Variants in GRIK2 observed in about 807,000 individuals in gnomAD.
GRIK2 encodes the protein glutamate receptor ionotropic, kainate 2.
GRIK2 carries 32 observed loss-of-function variants against 100.3 expected under a neutral mutation model. The ratio of observed to expected loss-of-function variants is 0.32; its 90% confidence interval spans 0.24 to 0.43. The LOEUF (loss-of-function observed/expected upper bound fraction) is 0.43, where lower values mean the gene tolerates loss of function less well. GRIK2 is among the 20% of genes least tolerant of loss of function. The pLI is 1.00. For synonymous variants in GRIK2, 417 were observed against 389.4 expected, an observed-to-expected ratio of 1.07 and a Z score of -0.83; for missense variants, 843 against 1,114.9, an observed-to-expected ratio of 0.76 and a Z score of 3.47.
chr6:101,487,955 A>G (rs1373153724), intron 2 of GRIK2, among the ~76,000 whole-genome samples: 2 of 146,232 alleles, frequency 1.4e-5, no homozygotes, highest in Non-Finnish European at 3.0e-5. Context: ...AAAAATCTGT[A>G]TTTTTACCTT....
At chr6:102,061,801 C>A (rs1049466843) in intron 16 of GRIK2, among the ~76,000 whole-genome samples, 1 of 150,202 alleles carries the variant, frequency 6.7e-6, no homozygotes, top group African/African-American at 2.4e-5. Context: ...TAACAAGCAG[C>A]TCTTTTAAAA....
intron 10 of GRIK2, among the ~76,000 whole-genome samples, chr6:101,838,657 T>C (rs1387712885): frequency 1.3e-5 from 2 of 151,670 alleles, no homozygotes; most frequent in Non-Finnish European, 2.9e-5. Context: ...AATACAACTT[T>C]TTTTTTTTTT....
At chr6:101,622,202 A>C in intron 3 of GRIK2, 86 bp downstream of exon 3, 1 of 728,584 alleles carries the variant, frequency 1.4e-6, no homozygotes, top group Non-Finnish European at 2.3e-6. Flanking sequence ...TTCAACATAC[A>C]GTTAATAAGT....
intron 7 of GRIK2, among the ~76,000 whole-genome samples, chr6:101,774,994 TTATGA>T (rs1343764646): frequency 6.6e-6 from 1 of 152,162 alleles, no homozygotes; most frequent in East Asian, 1.9e-4. Context: ...ACATCATTCC[TTATGA>T]AGCTTTAAAA....
chr6:101,552,576 C>T (rs1474310149), intron 2 of GRIK2, among the ~76,000 whole-genome samples: 1 of 152,170 alleles, frequency 6.6e-6, no homozygotes, highest in Non-Finnish European at 1.5e-5. Flanking sequence ...AATATTTGGC[C>T]TTGCTCCTTC....
intron 2 of GRIK2, among the ~76,000 whole-genome samples, chr6:101,510,582 G>T (rs1582611622): frequency 7.2e-6 from 1 of 139,746 alleles, no homozygotes; most frequent in Non-Finnish European, 1.5e-5. Flanking sequence ...GAGTGCAGTG[G>T]CATGATCTCG....
At chr6:102,006,716 C>T (rs1355123866) in intron 14 of GRIK2, among the ~76,000 whole-genome samples, 1 of 150,674 alleles carries the variant, frequency 6.6e-6, no homozygotes, top group Non-Finnish European at 1.5e-5. Context: ...CCCCTTGACC[C>T]CTACAAGCCC....
chr6:101,984,614 AACACACAC>A (rs10678285), intron 14 of GRIK2, among the ~76,000 whole-genome samples: 64 of 129,248 alleles, frequency 5.0e-4, no homozygotes, highest in East Asian at 2.0e-3. Context: ...TACACATTAA[AACACACAC>A]ACACACACAC....
rs898610226 is a variant in GRIK2 at position 101,789,743 on chromosome 6, A to G, written c.952-9905A>G. 3.3e-5 allele frequency among the ~76,000 whole-genome samples: 5 copies of G among 152,224 alleles called. No homozygotes were observed. In the South Asian group the frequency reaches 1.0e-3, roughly 32 times the overall value. ...AGTAGTTTTTTCCAATTCTGTGAAG[A>G]AAGTCATTGGTAGATTGATGGGAAT... On this transcript the variant is annotated intron_variant, in intron 7 of 16. Transcript: ENST00000369134.
At chr6:101,510,913 C>G (rs1459441390) in intron 2 of GRIK2, among the ~76,000 whole-genome samples, 1 of 152,002 alleles carries the variant, frequency 6.6e-6, no homozygotes, top group Non-Finnish European at 1.5e-5. Context: ...ATCCAATAGA[C>G]TACGATATAT....
chr6:102,053,431 A>G (rs1168865325), intron 15 of GRIK2, among the ~76,000 whole-genome samples: 1 of 152,160 alleles, frequency 6.6e-6, no homozygotes, highest in Non-Finnish European at 1.5e-5. Flanking sequence ...ACAGAGACTC[A>G]AGCACCATGT....
chr6:101,568,658 T>A (rs1451334282), intron 2 of GRIK2, among the ~76,000 whole-genome samples: 2 of 152,098 alleles, frequency 1.3e-5, no homozygotes. Context: ...AATCTTACTG[T>A]GCAATGCAAA....
intron 2 of GRIK2, among the ~76,000 whole-genome samples, chr6:101,408,607 C>A (rs1775715496): frequency 6.6e-6 from 1 of 152,066 alleles, no homozygotes; most frequent in Admixed American, 6.6e-5. Flanking sequence ...AAAACCCAGG[C>A]TTGAAGGCAG....
chr6:101,727,575 T>C (rs184967648), intron 7 of GRIK2, among the ~76,000 whole-genome samples: 3 of 152,260 alleles, frequency 2.0e-5, no homozygotes, highest in Admixed American at 2.0e-4. Context: ...ACATTATCTT[T>C]CAACTTTTTA....
chr6:101,749,507 G>A (rs1776645632), intron 7 of GRIK2, among the ~76,000 whole-genome samples: 2 of 152,094 alleles, frequency 1.3e-5, no homozygotes, highest in African/African-American at 4.8e-5. Context: ...CCAGAGCCTG[G>A]CCTAAAACCT....
intron 12 of GRIK2, chr6:101,891,625 A>G (rs1562468475): frequency 2.6e-6 from 1 of 391,456 alleles, no homozygotes; most frequent in Non-Finnish European, 4.9e-6. Flanking sequence ...TTTTTACCTA[A>G]TTAGTTAGAT....
intron 4 of GRIK2, among the ~76,000 whole-genome samples, chr6:101,632,523 T>C (rs1780803792): frequency 6.6e-6 from 1 of 152,162 alleles, no homozygotes; most frequent in Non-Finnish European, 1.5e-5. Context: ...AAGGAATAAA[T>C]AGATTCAGCC....
chr6:101,739,746 TCTAACCTA>T (rs1483029728), intron 7 of GRIK2, among the ~76,000 whole-genome samples: 1 of 152,184 alleles, frequency 6.6e-6, no homozygotes, highest in African/African-American at 2.4e-5. Context: ...TTTCTTCTCC[TCTAACCTA>T]CTTAAAAATT....
chr6:101,771,804 A>G (rs2128397603), intron 7 of GRIK2, among the ~76,000 whole-genome samples: 2 of 149,844 alleles, frequency 1.3e-5, no homozygotes, highest in African/African-American at 4.9e-5. Flanking sequence ...TGTCCTTGCG[A>G]TAGTTTGCTG....
Sources: allele counts gnomAD v4.1 joint callset (sites outside exome capture counted in the v4.1 genomes callset), GRCh38; gene constraint gnomAD v4.1.1; transcripts MANE v1.5; gene names NCBI Gene and HGNC (gene_info 2026-07-23, HGNC 2026-07-21).